The following SOX5 variants were observed in gnomAD, a reference collection of about 807,000 sequenced individuals.
SOX5 encodes the protein transcription factor SOX-5.
Under a neutral mutation model 92.0 loss-of-function variants are expected in SOX5, and 9 were observed. That is an observed-to-expected ratio of 0.10 (90% CI 0.06 to 0.17). SOX5 has a LOEUF of 0.17. Among genes scored for constraint, SOX5 ranks in the 10% least tolerant of loss-of-function variants. The pLI is 1.00. For synonymous variants in SOX5, 344 were observed against 336.3 expected, an observed-to-expected ratio of 1.02 and a Z score of -0.25; for missense variants, 642 against 944.5, an observed-to-expected ratio of 0.68 and a Z score of 4.20.
At chr12:24,218,375 C>A (rs1363773548) in intron 3 of SOX5, among the ~76,000 whole-genome samples, 1 of 152,028 alleles carries the variant, frequency 6.6e-6, no homozygotes, top group Non-Finnish European at 1.5e-5. Context: ...AAGTCAGTGA[C>A]AAAAGACCAT....
At chr12:24,382,561 A>G (rs1957943340) in intron 1 of SOX5, among the ~76,000 whole-genome samples, 1 of 152,224 alleles carries the variant, frequency 6.6e-6, no homozygotes, top group Non-Finnish European at 1.5e-5. Flanking sequence ...GTCACTGAGC[A>G]CAGGATGACA....
chr12:24,242,680 AAAG>A (rs923878002), intron 3 of SOX5, among the ~76,000 whole-genome samples: 11 of 151,676 alleles, frequency 7.3e-5, no homozygotes, highest in Admixed American at 4.6e-4. Flanking sequence ...TACAATTTTA[AAAG>A]AAGATCATTC....
chr12:23,937,016 C>T (rs577094470), intron 1 of SOX5, among the ~76,000 whole-genome samples: 1 of 150,806 alleles, frequency 6.6e-6, no homozygotes, highest in Non-Finnish European at 1.5e-5. Context: ...TTTCTTTATA[C>T]TTTCCTAAAT....
intron 1 of SOX5, among the ~76,000 whole-genome samples, chr12:24,387,562 ATCAC>A (rs1407059120): frequency 6.6e-6 from 1 of 152,034 alleles, no homozygotes; most frequent in Non-Finnish European, 1.5e-5. Flanking sequence ...CCCTCTTCAA[ATCAC>A]TCCAGGAGAT....
chr12:24,555,139 G>A (rs1383445503), intron 1 of SOX5, among the ~76,000 whole-genome samples: 1 of 152,202 alleles, frequency 6.6e-6, no homozygotes, highest in African/African-American at 2.4e-5. Context: ...GTGCTTTGTG[G>A]TGCTGCAAGT....
intron 6 of SOX5, among the ~76,000 whole-genome samples, chr12:23,672,767 C>A (rs1483969638): frequency 2.0e-5 from 3 of 151,984 alleles, no homozygotes; most frequent in Non-Finnish European, 4.4e-5. Flanking sequence ...TTATTGTTGG[C>A]AATATTACTA....
At chr12:23,735,770 A>C (rs1024721344) in intron 5 of SOX5, among the ~76,000 whole-genome samples, 1 of 152,208 alleles carries the variant, frequency 6.6e-6, no homozygotes, top group Non-Finnish European at 1.5e-5. Flanking sequence ...AAACAGCACA[A>C]TCACTTACCA....
intron 1 of SOX5, among the ~76,000 whole-genome samples, chr12:24,378,752 T>C (rs1310188011): frequency 6.6e-6 from 1 of 152,212 alleles, no homozygotes; most frequent in African/African-American, 2.4e-5. Flanking sequence ...AGCTTTTTTA[T>C]TGTAGCCGAA....
intron 1 of SOX5, among the ~76,000 whole-genome samples, chr12:23,908,850 T>G (rs994943085): frequency 3.3e-5 from 5 of 152,128 alleles, no homozygotes; most frequent in African/African-American, 1.2e-4. Flanking sequence ...TGGATGAATA[T>G]GAATTAAATC....
chr12:23,598,519 C>T (rs1291642051), intron 9 of SOX5, among the ~76,000 whole-genome samples: 1 of 151,208 alleles, frequency 6.6e-6, no homozygotes, highest in African/African-American at 2.4e-5. Flanking sequence ...CTGCCTCAGC[C>T]TCCCGAGTAG....
At chr12:24,037,957 A>G (rs1392218669) in intron 4 of SOX5, among the ~76,000 whole-genome samples, 1 of 152,172 alleles carries the variant, frequency 6.6e-6, no homozygotes, top group East Asian at 1.9e-4. Context: ...GCATTAAAAA[A>G]TCATGCATGA....
intron 3 of SOX5, among the ~76,000 whole-genome samples, chr12:24,225,313 C>A (rs1324454928): frequency 6.6e-6 from 1 of 152,084 alleles, no homozygotes; most frequent in East Asian, 1.9e-4. Flanking sequence ...CCAATACAAG[C>A]CAGTTTTTCA....
At chr12:24,007,739 A>ATT in intron 4 of SOX5, among the ~76,000 whole-genome samples, 1 of 36,850 alleles carries the variant, frequency 2.7e-5, no homozygotes, top group Non-Finnish European at 7.2e-5. Context: ...ATGTATATAA[A>ATT]TATATTTATG....
At chr12:23,802,583 G>C (rs550664084) in intron 3 of SOX5, among the ~76,000 whole-genome samples, 96 of 151,924 alleles carry the variant, frequency 6.3e-4, no homozygotes, top group African/African-American at 2.1e-3. Flanking sequence ...AGCATAGCTT[G>C]TCTGTGTGAT....
intron 4 of SOX5, among the ~76,000 whole-genome samples, chr12:24,115,118 A>G (rs1288632506): frequency 1.3e-5 from 2 of 152,182 alleles, no homozygotes; most frequent in East Asian, 3.8e-4. Context: ...GTTTAATACA[A>G]AAAAGAGAAA....
chr12:23,682,545 T>G (rs1044624599), intron 6 of SOX5, among the ~76,000 whole-genome samples: 2 of 151,818 alleles, frequency 1.3e-5, no homozygotes, highest in African/African-American at 4.8e-5. Context: ...TTTAATATCA[T>G]GTAGTGGTTA....
At chr12:24,014,284 T>C (rs1331342565) in intron 4 of SOX5, among the ~76,000 whole-genome samples, 1 of 152,152 alleles carries the variant, frequency 6.6e-6, no homozygotes, top group Non-Finnish European at 1.5e-5. Context: ...ACATATAACC[T>C]TCCTGGATAA....
chr12:24,371,746 G>T (rs558444943), intron 1 of SOX5, among the ~76,000 whole-genome samples: 15 of 152,154 alleles, frequency 9.9e-5, no homozygotes, highest in Non-Finnish European at 2.2e-4. Flanking sequence ...TCAACACTTC[G>T]GGAGGCCGAG....
intron 3 of SOX5, among the ~76,000 whole-genome samples, chr12:24,265,367 C>T (rs1251804492): frequency 6.6e-6 from 1 of 152,098 alleles, no homozygotes. Flanking sequence ...CATGGCAACA[C>T]TCCGTCTCTA....
Sources: gnomAD v4.1 joint callset for allele counts (sites outside exome capture counted in the v4.1 genomes callset) on GRCh38, gnomAD v4.1.1 for gene constraint, MANE v1.5 for transcripts, NCBI Gene and HGNC (gene_info 2026-07-23, HGNC 2026-07-21) for gene names.